Variants in DPYD observed in about 807,000 individuals in gnomAD.
The protein encoded by DPYD is dihydropyrimidine dehydrogenase, also known as dihydropyrimidine dehydrogenase [NADP(+)].
DPYD carries 109 observed loss-of-function variants against 116.2 expected under a neutral mutation model. The observed-to-expected ratio is 0.94, with a 90% CI of 0.80 to 1.10. The LOEUF (loss-of-function observed/expected upper bound fraction) is 1.10, where lower values mean the gene tolerates loss of function less well. Ranked by LOEUF, DPYD falls within the 50% of genes least tolerant of loss-of-function variation. The probability of loss-of-function intolerance (pLI) is 0.00; values close to 1 mark genes in which losing one functional copy is unlikely to be tolerated. For missense variants in DPYD, 1,302 were observed against 1,254.5 expected (o/e 1.04, Z -0.57); for synonymous variants, 440 against 432.0 (o/e 1.02, Z -0.23).
chr1:97,774,983 CAA>C (rs1666321897), intron 3 of DPYD: 1 of 315,326 alleles, frequency 3.2e-6, no homozygotes, highest in Non-Finnish European at 6.7e-6. Context: ...GGAGTAGGGA[CAA>C]AAAAAAGAAA....
At chr1:97,354,324 T>C (rs1269609353) in intron 16 of DPYD, among the ~76,000 whole-genome samples, 3 of 152,178 alleles carry the variant, frequency 2.0e-5, no homozygotes, top group Non-Finnish European at 2.9e-5. Context: ...CTTGCTTATA[T>C]AGGACAACAG....
chr1:97,156,401 A>G (rs1264395935), intron 20 of DPYD, among the ~76,000 whole-genome samples: 1 of 152,128 alleles, frequency 6.6e-6, no homozygotes, highest in Non-Finnish European at 1.5e-5. Context: ...ATCTACAATG[A>G]ACTCAAACAA....
intron 18 of DPYD, 52 bp from the exon 19 acceptor site, chr1:97,235,046 C>G: frequency 3.1e-6 from 5 of 1,606,860 alleles, no homozygotes; most frequent in Non-Finnish European, 4.3e-6. Context: ...CTTGAGTATA[C>G]TGTCTTATAT....
chr1:97,233,263 C>T (rs973661652), intron 19 of DPYD, among the ~76,000 whole-genome samples: 21 of 152,134 alleles, frequency 1.4e-4, no homozygotes, highest in African/African-American at 4.8e-4. Context: ...TTGGCCTTCA[C>T]TGACACCATA....
chr1:97,421,005 G>A (rs573611664), intron 14 of DPYD, among the ~76,000 whole-genome samples: 6 of 152,120 alleles, frequency 3.9e-5, no homozygotes, highest in African/African-American at 1.4e-4. Flanking sequence ...GACAGCAGGG[G>A]TTTGTTCCTT....
At chr1:97,789,400 AT>A (rs1667205691) in intron 3 of DPYD, among the ~76,000 whole-genome samples, 1 of 152,190 alleles carries the variant, frequency 6.6e-6, no homozygotes, top group Non-Finnish European at 1.5e-5. Context: ...AGCATCAATC[AT>A]TTAACAGCAT....
At chr1:97,658,873 C>T (rs911953433) in intron 8 of DPYD, among the ~76,000 whole-genome samples, 7 of 152,164 alleles carry the variant, frequency 4.6e-5, no homozygotes, top group Admixed American at 6.5e-5. Flanking sequence ...GTCACAGATC[C>T]AGAAACACTA....
At chr1:97,783,299 A>G (rs1666855920) in intron 3 of DPYD, among the ~76,000 whole-genome samples, 1 of 152,214 alleles carries the variant, frequency 6.6e-6, no homozygotes, top group South Asian at 2.1e-4. Flanking sequence ...GATGTGCTTT[A>G]TCGGGTTTGG....
At chr1:97,628,022 G>C (rs1428531906) in intron 8 of DPYD, among the ~76,000 whole-genome samples, 1 of 151,862 alleles carries the variant, frequency 6.6e-6, no homozygotes, top group Admixed American at 6.6e-5. Context: ...AATGATAGTA[G>C]GAATGAAAGG....
chr1:97,466,904 T>C (rs372380464), intron 13 of DPYD, among the ~76,000 whole-genome samples: 1 of 152,014 alleles, frequency 6.6e-6, no homozygotes, highest in East Asian at 1.9e-4. Flanking sequence ...AACAGGTTAT[T>C]GAGATAGAGA....
chr1:97,746,309 G>A (rs986950004), intron 3 of DPYD, among the ~76,000 whole-genome samples: 18 of 152,072 alleles, frequency 1.2e-4, no homozygotes, highest in African/African-American at 4.1e-4. Flanking sequence ...TTAGCTGTTT[G>A]TGCTGGAAAC....
intron 3 of DPYD, among the ~76,000 whole-genome samples, chr1:97,754,589 T>G (rs1665127326): frequency 6.6e-6 from 1 of 152,220 alleles, no homozygotes; most frequent in Non-Finnish European, 1.5e-5. Flanking sequence ...CGTTGTTCCT[T>G]CATTCTTTGT....
intron 18 of DPYD, among the ~76,000 whole-genome samples, chr1:97,248,722 T>TA (rs1359140771): frequency 5.9e-5 from 9 of 152,212 alleles, no homozygotes; most frequent in African/African-American, 1.9e-4. Flanking sequence ...AGAACATCTA[T>TA]AAAAAAACCT....
At chr1:97,109,710 A>G (rs1651451116) in intron 20 of DPYD, among the ~76,000 whole-genome samples, 1 of 152,130 alleles carries the variant, frequency 6.6e-6, no homozygotes, top group Non-Finnish European at 1.5e-5. Flanking sequence ...TTACATTTTG[A>G]TCCATCTAAA....
At chr1:97,809,980 G>C (rs1416367127) in intron 3 of DPYD, among the ~76,000 whole-genome samples, 1 of 152,000 alleles carries the variant, frequency 6.6e-6, no homozygotes, top group Non-Finnish European at 1.5e-5. Context: ...ATTTCCAGAA[G>C]AGAAAGGTAA....
chr1:97,466,338 G>A (rs1180341802), intron 13 of DPYD, among the ~76,000 whole-genome samples: 2 of 152,144 alleles, frequency 1.3e-5, no homozygotes, highest in African/African-American at 2.4e-5. Context: ...AAGTAGCTTT[G>A]CAAATCATTA....
At chr1:97,222,773 G>C (rs944544251) in intron 19 of DPYD, among the ~76,000 whole-genome samples, 1 of 151,898 alleles carries the variant, frequency 6.6e-6, no homozygotes, top group Admixed American at 6.6e-5. Flanking sequence ...ATTCATTAAA[G>C]CCAGGACACA....
intron 4 of DPYD, among the ~76,000 whole-genome samples, chr1:97,728,687 C>T (rs1354946907): frequency 6.6e-6 from 1 of 151,984 alleles, no homozygotes; most frequent in Non-Finnish European, 1.5e-5. Context: ...AAGAAGTTTG[C>T]ATGTGTGAGA....
intron 1 of DPYD, among the ~76,000 whole-genome samples, chr1:97,901,769 A>G (rs1228788197): frequency 6.6e-6 from 1 of 151,792 alleles, no homozygotes; most frequent in Non-Finnish European, 1.5e-5. Context: ...GTGCCTTTCA[A>G]TTAATTGTTG....
Sources: gnomAD v4.1 joint callset for allele counts (sites outside exome capture counted in the v4.1 genomes callset) on GRCh38, gnomAD v4.1.1 for gene constraint, MANE v1.5 for transcripts, NCBI Gene and HGNC (gene_info 2026-07-23, HGNC 2026-07-21) for gene names.